The following RPS6KC1 variants were observed in gnomAD, a reference collection of about 807,000 sequenced individuals.
RPS6KC1 encodes the protein ribosomal protein S6 kinase C1.
A neutral mutation model predicts 103.8 loss-of-function variants in RPS6KC1; 54 were observed. The observed-to-expected ratio is 0.52, with a 90% CI of 0.42 to 0.65. The LOEUF (loss-of-function observed/expected upper bound fraction) is 0.65, where lower values mean the gene tolerates loss of function less well. RPS6KC1 is among the 30% of genes least tolerant of loss of function. RPS6KC1 has a pLI of 0.00. For synonymous variants in RPS6KC1, 439 were observed against 438.7 expected, an observed-to-expected ratio of 1.00 and a Z score of -0.01; for missense variants, 1,151 against 1,253.8, an observed-to-expected ratio of 0.92 and a Z score of 1.24.
the RPS6KC1 span, among the ~76,000 whole-genome samples, chr1:213,590,675 T>A: frequency 6.6e-6 from 1 of 151,556 alleles, no homozygotes; most frequent in Non-Finnish European, 1.5e-5. Context: ...AGAAAGGAGG[T>A]CATGACCATG....
chr1:213,484,097 A>C, the RPS6KC1 span, among the ~76,000 whole-genome samples: 1 of 152,088 alleles, frequency 6.6e-6, no homozygotes, highest in South Asian at 2.1e-4. Context: ...ATTTTATTTT[A>C]CACTAAATGG....
the RPS6KC1 span, among the ~76,000 whole-genome samples, chr1:213,508,913 C>T: frequency 6.6e-5 from 10 of 152,132 alleles, no homozygotes; most frequent in Non-Finnish European, 1.0e-4. Flanking sequence ...ACTTCTAACT[C>T]GGTGAATTCA....
At chr1:213,589,979 G>C in the RPS6KC1 span, among the ~76,000 whole-genome samples, 5 of 147,026 alleles carry the variant, frequency 3.4e-5, no homozygotes, top group Admixed American at 1.4e-4. Flanking sequence ...GTGTGTGTGT[G>C]TGTCTGGAGC....
chr1:213,090,295 A>AT (rs2080844548), intron 3 of RPS6KC1, among the ~76,000 whole-genome samples: 1 of 152,168 alleles, frequency 6.6e-6, no homozygotes, highest in South Asian at 2.1e-4. Flanking sequence ...TTGCCCTTTA[A>AT]TTATAATTTT....
chr1:213,610,536 C>T, the RPS6KC1 span, among the ~76,000 whole-genome samples: 4 of 152,284 alleles, frequency 2.6e-5, no homozygotes, highest in East Asian at 3.9e-4. Context: ...ACAGGCGACT[C>T]GTTTCCTGAC....
At chr1:213,663,088 C>T in the RPS6KC1 span, among the ~76,000 whole-genome samples, 1 of 152,194 alleles carries the variant, frequency 6.6e-6, no homozygotes, top group Non-Finnish European at 1.5e-5. Context: ...CCTCTGTTGC[C>T]CCATTTGTAA....
chr1:213,563,972 C>CTTTTT, the RPS6KC1 span, among the ~76,000 whole-genome samples: 1 of 134,396 alleles, frequency 7.4e-6, no homozygotes, highest in African/African-American at 2.7e-5. Context: ...TTGCTTACCT[C>CTTTTT]TTTTTTTTTT....
the RPS6KC1 span, among the ~76,000 whole-genome samples, chr1:213,548,555 G>A: frequency 3.3e-5 from 5 of 152,202 alleles, no homozygotes; most frequent in African/African-American, 4.8e-5. Context: ...CAGATACTTA[G>A]GAGGCTGAGG....
the RPS6KC1 span, among the ~76,000 whole-genome samples, chr1:213,669,413 T>C: frequency 6.6e-6 from 1 of 152,232 alleles, no homozygotes; most frequent in East Asian, 1.9e-4. Context: ...TTGATTGAGT[T>C]CACCATCTTA....
the RPS6KC1 span, among the ~76,000 whole-genome samples, chr1:213,404,803 C>G: frequency 1.3e-5 from 2 of 152,226 alleles, no homozygotes; most frequent in Non-Finnish European, 2.9e-5. Context: ...TGGCTTCTTT[C>G]TTTCTTCTCA....
the RPS6KC1 span, among the ~76,000 whole-genome samples, chr1:213,687,863 G>A: frequency 1.3e-5 from 2 of 152,124 alleles, no homozygotes; most frequent in African/African-American, 2.4e-5. Flanking sequence ...CTTAGTGGTC[G>A]CTCTTTGAAT....
At chr1:213,350,830 G>A in the RPS6KC1 span, among the ~76,000 whole-genome samples, 1 of 151,736 alleles carries the variant, frequency 6.6e-6, no homozygotes, top group Admixed American at 6.6e-5. Context: ...TACAAAATTG[G>A]TATCATATAT....
chr1:213,707,456 C>A, the RPS6KC1 span, among the ~76,000 whole-genome samples: 27 of 151,974 alleles, frequency 1.8e-4, no homozygotes, highest in African/African-American at 6.5e-4. Flanking sequence ...AGGCCTTTGT[C>A]AGATGGATAG....
chr1:213,081,872 G>A (rs371353584), intron 3 of RPS6KC1, among the ~76,000 whole-genome samples: 224 of 152,162 alleles, frequency 1.5e-3, no homozygotes, highest in African/African-American at 5.3e-3. Flanking sequence ...TGACTACAGC[G>A]TTGAATGACA....
intron 5 of RPS6KC1, 47 bp from the exon 6 acceptor site, chr1:213,129,480 C>T: frequency 6.6e-7 from 1 of 1,514,836 alleles, no homozygotes; most frequent in Non-Finnish European, 8.9e-7. Context: ...ATTCGTTTGG[C>T]TGATTCTCAA....
intron 8 of RPS6KC1, among the ~76,000 whole-genome samples, chr1:213,217,265 A>G (rs1250948698): frequency 1.3e-5 from 2 of 151,940 alleles, no homozygotes; most frequent in African/African-American, 4.9e-5. Flanking sequence ...TAAACTAGAA[A>G]ATCTAGAAGA....
the RPS6KC1 span, among the ~76,000 whole-genome samples, chr1:213,510,732 G>A: frequency 6.6e-6 from 1 of 152,116 alleles, no homozygotes; most frequent in Non-Finnish European, 1.5e-5. Flanking sequence ...ATTCGTAGGA[G>A]CCGCAGTTTG....
the RPS6KC1 span, among the ~76,000 whole-genome samples, chr1:213,624,104 G>A: frequency 2.0e-5 from 3 of 152,170 alleles, no homozygotes; most frequent in African/African-American, 2.4e-5. Context: ...CAGAGCCAGA[G>A]CCTGGGTAAG....
chr1:213,185,538 C>T (rs1033107338), intron 8 of RPS6KC1, among the ~76,000 whole-genome samples: 1 of 152,014 alleles, frequency 6.6e-6, no homozygotes, highest in African/African-American at 2.4e-5. Context: ...ATCCCAGCTA[C>T]GTGGGAGGCC....
Sources: gnomAD v4.1 joint callset for allele counts (sites outside exome capture counted in the v4.1 genomes callset) on GRCh38, gnomAD v4.1.1 for gene constraint, MANE v1.5 for transcripts, NCBI Gene and HGNC (gene_info 2026-07-23, HGNC 2026-07-21) for gene names.